Variants in ABCD3 observed in about 807,000 individuals in gnomAD.
The protein encoded by ABCD3 is ATP binding cassette subfamily D member 3, also known as ATP-binding cassette sub-family D member 3.
In ABCD3, 41 loss-of-function variants were observed where a neutral mutation model predicts 105.5. That is an observed-to-expected ratio of 0.39 (90% confidence interval 0.30 to 0.50). ABCD3 has a LOEUF of 0.50. Ranked by LOEUF, ABCD3 falls within the 20% of genes least tolerant of loss-of-function variation. The probability of loss-of-function intolerance (pLI) is 0.84; values close to 1 mark genes in which losing one functional copy is unlikely to be tolerated. For missense variants in ABCD3, 622 were observed against 806.3 expected, an observed-to-expected ratio of 0.77 and a Z score of 2.77; for synonymous variants, 258 against 269.0, an observed-to-expected ratio of 0.96 and a Z score of 0.40.
At chr1:94,490,459 T>C (rs1649477090) in intron 15 of ABCD3, among the ~76,000 whole-genome samples, 5 of 152,046 alleles carry the variant, frequency 3.3e-5, no homozygotes, top group Admixed American at 3.3e-4. Flanking sequence ...TTGACTATTT[T>C]AGATTCCACA....
chr1:94,391,882 GGCTCACAACCA>G, the ABCD3 span, among the ~76,000 whole-genome samples: 1 of 152,146 alleles, frequency 6.6e-6, no homozygotes, highest in African/African-American at 2.4e-5. Context: ...ATGAAGACTT[GGCTCACAACCA>G]GCCTGATTTG....
chr1:94,395,484 A>G, the ABCD3 span, among the ~76,000 whole-genome samples: 1 of 152,176 alleles, frequency 6.6e-6, no homozygotes, highest in African/African-American at 2.4e-5. Flanking sequence ...GGCCTTTGGC[A>G]TAGGAATGCA....
At chr1:94,399,354 C>CT in the ABCD3 span, among the ~76,000 whole-genome samples, 1 of 152,218 alleles carries the variant, frequency 6.6e-6, no homozygotes, top group East Asian at 1.9e-4. Context: ...AAAAACGACT[C>CT]TCCCTCAGTG....
chr1:94,450,342 C>T (rs1660531285), intron 1 of ABCD3, among the ~76,000 whole-genome samples: 2 of 152,184 alleles, frequency 1.3e-5, no homozygotes, highest in Non-Finnish European at 2.9e-5. Flanking sequence ...CATAAACTGG[C>T]CCCAAAACTG....
chr1:94,512,009 G>A (rs988461847), intron 21 of ABCD3, among the ~76,000 whole-genome samples: 59 of 152,216 alleles, frequency 3.9e-4, no homozygotes, highest in African/African-American at 1.2e-3. Context: ...GTCATTCTCC[G>A]TCCAGCTTTG....
intron 1 of ABCD3, among the ~76,000 whole-genome samples, chr1:94,446,535 A>G (rs1450125102): frequency 1.3e-5 from 2 of 152,212 alleles, no homozygotes; most frequent in Non-Finnish European, 1.5e-5. Flanking sequence ...ACAGCTCCTG[A>G]TTGTGCCGTA....
the ABCD3 span, among the ~76,000 whole-genome samples, chr1:94,391,561 T>C: frequency 6.6e-6 from 1 of 152,116 alleles, no homozygotes; most frequent in Non-Finnish European, 1.5e-5. Context: ...CATGGCAATA[T>C]CTTCTGTCAA....
intron 1 of ABCD3, among the ~76,000 whole-genome samples, chr1:94,443,724 T>C (rs899149208): frequency 3.9e-5 from 6 of 152,196 alleles, no homozygotes; most frequent in African/African-American, 9.7e-5. Flanking sequence ...CAGCACTGTT[T>C]ATTGAATGGG....
In ABCD3 at chr1:94,458,232, C is replaced by G. The variant is rs138070961; in HGVS notation, c.111-375C>G. Among the ~76,000 whole-genome samples the G allele has an allele frequency of 1.3e-4, 20 of 152,294 alleles. No homozygotes were observed. In the East Asian group the frequency reaches 3.7e-3, roughly 28 times the overall value. On this transcript the variant is annotated intron_variant, in intron 1 of 22. Coordinates refer to ENST00000370214, the MANE Select transcript of ABCD3 (RefSeq NM_002858.4). ...GTAAGAGGGAGCAATGCACATTTTC[C>G]AAGCCTCTGTTTGTGTCAGTTTGCT... is the stretch of plus-strand genomic sequence containing the variant.
rs190327191 is a variant in ABCD3, at chr1:94,445,280, G to A, written c.111-13327G>A. Among the ~76,000 whole-genome samples, 13 of 152,270 alleles carry A rather than the reference G, an allele frequency of 8.5e-5. No homozygotes were observed. The East Asian group carries it at 1.5e-3, about 18-fold the overall frequency. On this transcript the variant is annotated intron_variant, in intron 1 of 22. Transcript: ENST00000370214. ...AGCGCCACTGGGTTAAGGTCTCCAC[G>A]ACCAAGGTGGTCTTGGCAAGTGGCG...
At chr1:94,387,413 C>A in the ABCD3 span, among the ~76,000 whole-genome samples, 10 of 152,160 alleles carry the variant, frequency 6.6e-5, no homozygotes, top group Non-Finnish European at 1.2e-4. Flanking sequence ...CTGCTGCATC[C>A]CACATGGCAC....
intron 2 of ABCD3, 91 bp downstream of exon 2, chr1:94,458,734 AT>A: frequency 7.7e-7 from 1 of 1,303,944 alleles, no homozygotes; most frequent in Non-Finnish European, 1.1e-6. Flanking sequence ...AAATTTTATA[AT>A]TAGTAGGGAA....
chr1:94,495,484 C>T (rs552030047), intron 16 of ABCD3, among the ~76,000 whole-genome samples: 9 of 152,064 alleles, frequency 5.9e-5, no homozygotes, highest in Non-Finnish European at 1.0e-4. Flanking sequence ...CTTATCATGG[C>T]TGACGTCATA....
rs773499639 is a variant in ABCD3 at position 94,506,650 on chromosome 1, C to A, written c.1845+8C>A. 1.2e-6 allele frequency: 2 copies of A among 1,601,200 alleles called. No homozygotes were observed. The highest frequency in any genetic ancestry group is 2.2e-5 in the East Asian group (1 of 44,698). On this transcript the variant is annotated splice_region_variant and intron_variant, in intron 21 of 22. Transcript: ENST00000370214. ...TATAGTCATTGTCGAAAGGTAAGTA[C>A]GCAGGTGCTCAGTTTGAGGAGCCAT...
intron 1 of ABCD3, among the ~76,000 whole-genome samples, chr1:94,427,576 A>G (rs1659515857): frequency 6.6e-6 from 1 of 152,150 alleles, no homozygotes; most frequent in African/African-American, 2.4e-5. Context: ...ATGTAATATG[A>G]ACTTGAATTA....
chr1:94,481,236 A>G (rs1649014225), intron 9 of ABCD3, among the ~76,000 whole-genome samples: 1 of 152,204 alleles, frequency 6.6e-6, no homozygotes, highest in Non-Finnish European at 1.5e-5. Context: ...ATATGGAGCA[A>G]CTGCTCAATA....
chr1:94,500,922 A>G (rs769132748), intron 20 of ABCD3, among the ~76,000 whole-genome samples: 16 of 152,210 alleles, frequency 1.1e-4, no homozygotes, highest in Non-Finnish European at 1.2e-4. Flanking sequence ...GAGTCAATTT[A>G]GAAGATGACT....
the ABCD3 span, among the ~76,000 whole-genome samples, chr1:94,392,008 T>C: frequency 6.6e-6 from 1 of 152,184 alleles, no homozygotes; most frequent in Non-Finnish European, 1.5e-5. Context: ...GGTCCTTTCG[T>C]TACTTGAGCA....
intron 19 of ABCD3, 118 bp from the exon 20 acceptor site, chr1:94,499,377 T>G: frequency 8.5e-7 from 1 of 1,175,236 alleles, no homozygotes; most frequent in Non-Finnish European, 1.2e-6. Flanking sequence ...TTCTGAAATG[T>G]ATCTTTTAAG....
Sources: allele counts gnomAD v4.1 joint callset (sites outside exome capture counted in the v4.1 genomes callset), GRCh38; gene constraint gnomAD v4.1.1; transcripts MANE v1.5; gene names NCBI Gene and HGNC (gene_info 2026-07-23, HGNC 2026-07-21).